Variants in ACLY observed in about 807,000 individuals in gnomAD.
ACLY encodes the protein ATP-citrate synthase.
ACLY carries 41 observed loss-of-function variants against 133.0 expected under a neutral mutation model. That is an observed-to-expected ratio of 0.31 (90% CI 0.24 to 0.40). ACLY has a LOEUF of 0.40. Among genes scored for constraint, ACLY ranks in the 10% least tolerant of loss-of-function variants. The pLI is 1.00. For synonymous variants in ACLY, 495 were observed against 549.3 expected, an observed-to-expected ratio of 0.90 and a Z score of 1.38; for missense variants, 1,046 against 1,453.8, an observed-to-expected ratio of 0.72 and a Z score of 4.56.
At chr17:41,919,029 A>T, upstream of ACLY, 1 of 1,283,866 alleles carries the variant, frequency 7.8e-7, no homozygotes, top group Non-Finnish European at 1.0e-6. Flanking sequence ...TCGCGGCGAG[A>T]ACGGCCCCGC....
chr17:41,890,801 G>A (rs1440795496), intron 16 of ACLY, among the ~76,000 whole-genome samples: 4 of 122,238 alleles, frequency 3.3e-5, no homozygotes, highest in African/African-American at 1.2e-4. Flanking sequence ...AGGAGTTCGA[G>A]ACCAGTCTGG....
At chr17:41,883,582 C>CTTTTTTTTTTT (rs139989311) in intron 19 of ACLY, among the ~76,000 whole-genome samples, 1 of 88,904 alleles carries the variant, frequency 1.1e-5, no homozygotes, top group African/African-American at 4.3e-5. Context: ...TTTTTTTTTG[C>CTTTTTTTTTTT]TTTTTTTTTT....
chr17:41,869,367 G>T, intron 26 of ACLY, 107 bp downstream of exon 26: 2 of 979,466 alleles, frequency 2.0e-6, no homozygotes, highest in South Asian at 3.0e-5. Flanking sequence ...AACATTTCTA[G>T]AAAACTAGGT....
chr17:41,879,688 G>A (rs151210467), intron 20 of ACLY, among the ~76,000 whole-genome samples: 5,892 of 61,058 alleles, frequency 0.096, 3 homozygotes, highest in East Asian at 0.17. Flanking sequence ...AAAAAAAAAA[G>A]AAGTGCTAAA....
intron 16 of ACLY, among the ~76,000 whole-genome samples, chr17:41,889,364 C>T (rs1261379369): frequency 6.6e-6 from 1 of 150,462 alleles, no homozygotes; most frequent in Non-Finnish European, 1.5e-5. Flanking sequence ...ATTGAAAATA[C>T]AAAAATTAGC....
chr17:41,905,587 T>C lies in ACLY; in HGVS notation c.938A>G (p.Glu313Gly). ...CTTGGCATAGTCATAGGTCTGCTGC[T>C]CGCTGGGGGCGCCTGAGTACTCCCC... Reference protein sequence around the residue: ...NYGEYSGAPSEQQTYDYAKTI... With the variant: ...NYGEYSGAPSGQQTYDYAKTI... Residue 313 changes from glutamate (E) to glycine (G), a missense_variant, in exon 9 of 29, where the codon GAG becomes GGG. Physicochemically the swap from Glu to Gly is moderately conservative, Grantham distance 98 (BLOSUM62 -2). This residue lies in a region of ACLY where 575 missense variants were observed against 804.2 expected (regional missense o/e 0.71). Transcript: ENST00000352035. The C allele has an allele frequency of 6.2e-7, 1 of 1,614,150 alleles. No individual in the cohort carries two copies. Among genetic ancestry groups the C allele is most frequent in the Non-Finnish European group, 8.5e-7 (1 of 1,180,032 alleles).
chr17:41,904,793 G>C lies in ACLY; in HGVS notation c.1004-3C>G, dbSNP rs782774044. The stretch of plus-strand genomic sequence containing the variant: ...GCCTCCAATGATGAGGATCTTGCCT[G>C]GATTTGGAGTAAGAGAGAATCAAAA... On this transcript the variant is annotated splice_region_variant and splice_polypyrimidine_tract_variant and intron_variant, in intron 9 of 28. Coordinates refer to ENST00000352035, the MANE Select transcript of ACLY (RefSeq NM_001096.3). The C allele has an allele frequency of 3.1e-6, 5 of 1,613,484 alleles. 1 individual carries two copies. The South Asian group carries it at 5.5e-5, about 18-fold the overall frequency.
intron 1 of ACLY, among the ~76,000 whole-genome samples, chr17:41,928,852 T>TAAA (rs11428338): frequency 3.2e-4 from 38 of 119,782 alleles, no homozygotes; most frequent in Admixed American, 1.2e-3. Context: ...GACTCCACCA[T>TAAA]AAAAAAAAAA....
chr17:41,919,294 C>T (rs573844795), upstream of ACLY, among the ~76,000 whole-genome samples: 29 of 140,370 alleles, frequency 2.1e-4, no homozygotes, highest in African/African-American at 7.4e-4. Context: ...CAGATTGCCA[C>T]TCGGGGAGTT....
intron 1 of ACLY, among the ~76,000 whole-genome samples, chr17:41,924,427 G>A (rs569122256): frequency 1.8e-4 from 27 of 152,102 alleles, no homozygotes; most frequent in Admixed American, 3.3e-4. Flanking sequence ...GATTACATGC[G>A]TGAGCCACCG....
intron 21 of ACLY, 49 bp downstream of exon 21, chr17:41,878,748 G>A: frequency 1.2e-6 from 2 of 1,610,456 alleles, no homozygotes; most frequent in South Asian, 1.1e-5. Flanking sequence ...GTCTCAGGAG[G>A]GATTTGGAAA....
At chr17:41,878,711 T>C in intron 21 of ACLY, 86 bp downstream of exon 21, 1 of 1,526,692 alleles carries the variant, frequency 6.6e-7, no homozygotes, top group South Asian at 1.1e-5. Flanking sequence ...CAGGAATACA[T>C]GATGTCCCTG....
intron 28 of ACLY, 51 bp downstream of exon 28, chr17:41,868,646 AGTGGTGTAGCTG>A: frequency 7.9e-7 from 1 of 1,260,996 alleles, no homozygotes. Flanking sequence ...CCCATGAGTA[AGTGGTGTAGCTG>A]AACCGTGGGG....
intron 14 of ACLY, among the ~76,000 whole-genome samples, chr17:41,895,163 C>T (rs2049330183): frequency 6.6e-6 from 1 of 152,158 alleles, no homozygotes; most frequent in African/African-American, 2.4e-5. Context: ...GCATCAGAGC[C>T]AGGATTACAC....
Position 41,897,849 on chromosome 17 carries a change from G to A in ACLY, c.1339-10C>T. Reference sequence around the variant, plus strand: ...TGCTGGGGGCTGGCGTCTGGGGTGAGATAAGGAGAGAGTGTAAGAGGTAAG... The same window carrying A: ...TGCTGGGGGCTGGCGTCTGGGGTGAAATAAGGAGAGAGTGTAAGAGGTAAG... On this transcript the variant is annotated splice_polypyrimidine_tract_variant and intron_variant, in intron 12 of 28. Coordinates refer to ENST00000352035, the MANE Select transcript of ACLY (RefSeq NM_001096.3). The A allele has an allele frequency of 1.9e-6, 3 of 1,610,888 alleles. No homozygotes were observed. Among genetic ancestry groups the A allele is most frequent in the Non-Finnish European group, 2.5e-6 (3 of 1,178,472 alleles).
intron 21 of ACLY, 147 bp downstream of exon 21, chr17:41,878,650 G>A (rs1329732801): frequency 8.1e-6 from 8 of 988,238 alleles, no homozygotes; most frequent in Admixed American, 2.3e-5. Flanking sequence ...AAGCCAAAGA[G>A]AAAGAGGATT....
chr17:41,928,623 G>A (rs1434513987), intron 1 of ACLY, among the ~76,000 whole-genome samples: 4 of 151,468 alleles, frequency 2.6e-5, no homozygotes, highest in African/African-American at 4.9e-5. Flanking sequence ...AGGCTGAGGC[G>A]GGCAGATCAC....
upstream of ACLY, among the ~76,000 whole-genome samples, chr17:41,923,090 G>A (rs782399030): frequency 6.6e-6 from 1 of 152,244 alleles, no homozygotes; most frequent in Non-Finnish European, 1.5e-5. Flanking sequence ...CCAACACTTT[G>A]GGAGGCCAAG....
At chr17:41,903,098 T>A (rs1381546885) in intron 10 of ACLY, among the ~76,000 whole-genome samples, 1 of 152,226 alleles carries the variant, frequency 6.6e-6, no homozygotes, top group East Asian at 1.9e-4. Flanking sequence ...CTCTCACTTC[T>A]TGAGACCTCA....
Sources: gnomAD v4.1 joint callset for allele counts (sites outside exome capture counted in the v4.1 genomes callset) on GRCh38, gnomAD v4.1.1 for gene constraint, gnomAD v4.1.1 regional missense constraint, MANE v1.5 for transcripts, NCBI Gene and HGNC (gene_info 2026-07-23, HGNC 2026-07-21) for gene names.